Variants in ECD observed in about 807,000 individuals in gnomAD.
ECD encodes the protein ecdysoneless cell cycle regulator.
A neutral mutation model predicts 77.2 loss-of-function variants in ECD; 59 were observed. That is an observed-to-expected ratio of 0.76 (90% confidence interval 0.62 to 0.95). The LOEUF (loss-of-function observed/expected upper bound fraction) is 0.95. Among genes scored for constraint, ECD ranks in the 40% least tolerant of loss-of-function variants. The probability of loss-of-function intolerance (pLI) is 0.00; values close to 1 mark genes in which losing one functional copy is unlikely to be tolerated. For synonymous variants in ECD, 233 were observed against 267.4 expected, an observed-to-expected ratio of 0.87 and a Z score of 1.26; for missense variants, 704 against 763.4, an observed-to-expected ratio of 0.92 and a Z score of 0.92.
At chr10:73,167,666 C>T (rs981596466) in intron 1 of ECD, among the ~76,000 whole-genome samples, 200 bp downstream of exon 1, 4 of 152,150 alleles carry the variant, frequency 2.6e-5, no homozygotes, top group African/African-American at 7.2e-5. Flanking sequence ...GCCAAACACA[C>T]GTCATCATGC....
intron 7 of ECD, among the ~76,000 whole-genome samples, chr10:73,151,049 T>G (rs1363405170): frequency 6.6e-6 from 1 of 152,112 alleles, no homozygotes; most frequent in Non-Finnish European, 1.5e-5. Flanking sequence ...GGATTATAAA[T>G]CATGCTGCTA....
chr10:73,166,271 T>C (rs527394783), intron 1 of ECD, among the ~76,000 whole-genome samples: 1 of 152,198 alleles, frequency 6.6e-6, no homozygotes, highest in Non-Finnish European at 1.5e-5. Context: ...CTGAGAATAG[T>C]GCTGCGATAA....
At chr10:73,156,863 TATG>T (rs1425179763) in intron 3 of ECD, among the ~76,000 whole-genome samples, 4 of 152,216 alleles carry the variant, frequency 2.6e-5, no homozygotes, top group South Asian at 2.1e-4. Flanking sequence ...TGAAGGTAGA[TATG>T]ATAAGGAGAG....
intron 8 of ECD, among the ~76,000 whole-genome samples, chr10:73,147,458 G>A (rs958025525): frequency 6.6e-6 from 1 of 151,954 alleles, no homozygotes; most frequent in Non-Finnish European, 1.5e-5. Context: ...TGAGGCTGAG[G>A]AGAATCGCTT....
chr10:73,139,818 G>T, intron 9 of ECD, 81 bp from the exon 10 acceptor site: 1 of 1,005,962 alleles, frequency 9.9e-7, no homozygotes, highest in Non-Finnish European at 1.4e-6. Flanking sequence ...TTTTAAGGTT[G>T]GAAGGGATTA....
At chr10:73,151,338 G>A (rs1017853348) in intron 7 of ECD, among the ~76,000 whole-genome samples, 9 of 141,292 alleles carry the variant, frequency 6.4e-5, no homozygotes, top group South Asian at 2.4e-4. Flanking sequence ...GAGAACACAC[G>A]GACACAGGAA....
chr10:73,168,006 G>C lies in ECD; in HGVS notation c.-154C>G, dbSNP rs1211994431. 1 of 331,710 alleles carries C rather than the reference G, an allele frequency of 3.0e-6. No individual in the cohort carries two copies. Among genetic ancestry groups the C allele is most frequent in the Non-Finnish European group, 5.5e-6 (1 of 180,426 alleles). The allele number at this position is 331,710 out of a possible 1,614,324, so 20.5% of individuals were successfully genotyped here. On this transcript the variant is annotated 5_prime_UTR_variant, in exon 1 of 14. Coordinates refer to ENST00000372979, the MANE Select transcript of ECD (RefSeq NM_007265.3). Reference sequence around the variant, plus strand: ...TCCCGACGCCTGACCGGAACCTGAAGCCAGCGGAAATCCTGAGAGAAAGTC... The same window carrying C: ...TCCCGACGCCTGACCGGAACCTGAACCCAGCGGAAATCCTGAGAGAAAGTC...
intron 8 of ECD, among the ~76,000 whole-genome samples, 153 bp from the exon 9 acceptor site, chr10:73,146,514 T>C (rs544072768): frequency 2.0e-5 from 3 of 152,330 alleles, no homozygotes; most frequent in African/African-American, 7.2e-5. Context: ...TTAATGGGCC[T>C]GTTTGAGCTC....
intron 12 of ECD, 63 bp from the exon 13 acceptor site, chr10:73,136,981 TATTA>T: frequency 2.4e-6 from 2 of 844,592 alleles, no homozygotes; most frequent in South Asian, 4.6e-5. Context: ...TTATTATTAT[TATTA>T]TTTAGTTACT....
intron 7 of ECD, among the ~76,000 whole-genome samples, chr10:73,149,299 T>C (rs1294478473): frequency 6.6e-6 from 1 of 152,024 alleles, no homozygotes; most frequent in African/African-American, 2.4e-5. Flanking sequence ...TAAATGTTGA[T>C]GAATACAGAT....
In ECD at chr10:73,148,296, T is replaced by G; in HGVS notation, c.1021A>C (p.Lys341Gln). ...PLWASFLESL[K>Q]KNDYFKGLIE... ...CCTACCTTAAAGTAATCATTCTTTT[T>G]CAGACTTTCAAGGAAACTGGCCCAG... is the stretch of plus-strand genomic sequence containing the variant. The change falls in exon 8 of 14, where the codon AAA becomes CAA. Residue 341 changes from lysine (K) to glutamine (Q), a missense_variant. By Grantham distance (53) the Lys-to-Gln change is moderately conservative. This residue lies in a region of ECD where 559 missense variants were observed against 583.7 expected (regional missense o/e 0.96). Coordinates refer to ENST00000372979, the MANE Select transcript of ECD (RefSeq NM_007265.3). 2 of 1,613,748 alleles carry G rather than the reference T, an allele frequency of 1.2e-6. No individual in the cohort carries two copies. Among genetic ancestry groups the G allele is most frequent in the Middle Eastern group, 3.3e-4 (2 of 6,062 alleles).
chr10:73,138,200 G>T, intron 11 of ECD, 130 bp from the exon 12 acceptor site: 1 of 642,146 alleles, frequency 1.6e-6, no homozygotes, highest in Non-Finnish European at 2.4e-6. Flanking sequence ...AAGAAAAGTT[G>T]TAGTTTAAGT....
At chr10:73,134,860 G>A in intron 13 of ECD, 47 bp from the exon 14 acceptor site, 1 of 1,479,210 alleles carries the variant, frequency 6.8e-7, no homozygotes. Context: ...GTATCATTAG[G>A]TTGCATGGTG....
Position 73,167,999 on chromosome 10 carries a change from A to C in ECD, c.-147T>G. 1 of 317,370 alleles carries C rather than the reference A, an allele frequency of 3.2e-6. No individual in the cohort carries two copies. The highest frequency in any genetic ancestry group is 5.8e-6 in the Non-Finnish European group (1 of 171,228). 19.7% of individuals were successfully genotyped at this position (317,370 alleles called of 1,614,324 possible). A position where few individuals can be genotyped will look rare whatever the true frequency, so the allele number is the denominator to read the frequency against. ...GGCTCTGTCCCGACGCCTGACCGGA[A>C]CCTGAAGCCAGCGGAAATCCTGAGA... On this transcript the variant is annotated 5_prime_UTR_variant, in exon 1 of 14. Coordinates refer to ENST00000372979, the MANE Select transcript of ECD (RefSeq NM_007265.3).
At chr10:73,157,494 G>A (rs1160182439) in intron 3 of ECD, among the ~76,000 whole-genome samples, 2 of 151,298 alleles carry the variant, frequency 1.3e-5, no homozygotes, top group Non-Finnish European at 2.9e-5. Flanking sequence ...CGAGGTGGGC[G>A]GATCACCTGA....
chr10:73,159,932 G>A (rs28709948), intron 3 of ECD, among the ~76,000 whole-genome samples: 6,898 of 151,016 alleles, frequency 0.046, 496 homozygotes, highest in African/African-American at 0.15. Context: ...GAGCCACCGC[G>A]CCTGGCCGTG....
At position 73,165,574 on chromosome 10, in the gene ECD, ACTCCTGAC is replaced by A. The variant is rs575898674; in HGVS notation, c.-13-1632_-13-1625del. Among the ~76,000 whole-genome samples the A allele has an allele frequency of 5.0e-3, 699 of 140,916 alleles. 7 individuals are homozygous for A. The highest frequency in any genetic ancestry group is 0.017 in the African/African-American group (656 of 38,100). 92.4% of individuals were successfully genotyped at this position (140,916 alleles called of 152,430 possible). A position where few individuals can be genotyped will look rare whatever the true frequency, so the allele number is the denominator to read the frequency against. On this transcript the variant is annotated intron_variant, in intron 1 of 13. Transcript: ENST00000372979. Reference sequence around the variant, plus strand: ...ACCATATTGGCCAGGCTGGTCTCAAACTCCTGACCTCATGATCCACCTGCCTCGGCCTC... The same window carrying A: ...ACCATATTGGCCAGGCTGGTCTCAAACTCATGATCCACCTGCCTCGGCCTC...
At chr10:73,166,017 T>C (rs1233581139) in intron 1 of ECD, among the ~76,000 whole-genome samples, 1 of 152,192 alleles carries the variant, frequency 6.6e-6, no homozygotes, top group African/African-American at 2.4e-5. Flanking sequence ...GCTATCTCCA[T>C]GAGTTCAACT....
intron 13 of ECD, 84 bp from the exon 14 acceptor site, chr10:73,134,897 C>A: frequency 8.4e-7 from 1 of 1,190,552 alleles, no homozygotes; most frequent in Non-Finnish European, 1.2e-6. Flanking sequence ...AACTAAGCCA[C>A]AATGTAAATT....
Sources: gnomAD v4.1 joint callset for allele counts (sites outside exome capture counted in the v4.1 genomes callset) on GRCh38, gnomAD v4.1.1 for gene constraint, gnomAD v4.1.1 regional missense constraint, MANE v1.5 for transcripts, NCBI Gene and HGNC (gene_info 2026-07-23, HGNC 2026-07-21) for gene names.